Variants in DDX23 observed in about 807,000 individuals in gnomAD.
The protein encoded by DDX23 is DEAD-box helicase 23.
In DDX23, 33 loss-of-function variants were observed where a neutral mutation model predicts 102.7. The ratio of observed to expected loss-of-function variants is 0.32; its 90% confidence interval spans 0.24 to 0.43. The LOEUF (loss-of-function observed/expected upper bound fraction) is 0.43, where lower values mean the gene tolerates loss of function less well. Ranked by LOEUF, DDX23 falls within the 20% of genes least tolerant of loss-of-function variation. The pLI is 1.00. For synonymous variants in DDX23, 352 were observed against 376.0 expected (o/e 0.94, Z 0.74); for missense variants, 549 against 1,086.6 (o/e 0.51, Z 6.96).
chr12:48,836,791 T>C lies in DDX23; in HGVS notation c.1014A>G (p.Ala338=), dbSNP rs1938472270. 1.2e-6 allele frequency: 2 copies of C among 1,613,862 alleles called. No individual in the cohort carries two copies. The highest frequency in any genetic ancestry group is 1.7e-6 in the Non-Finnish European group (2 of 1,179,860). ...CCTTCTTACGAAGTTTGCGGAGTCT[T>C]GCCCTGGAGCAGGGTGTGAGGAGTA... ...RTLEEKEQEE[A]RLRKLRKKEA... Residue 338 remains alanine, a synonymous_variant, in exon 10 of 17, where the codon GCA becomes GCG. Coordinates refer to ENST00000308025, the MANE Select transcript of DDX23 (RefSeq NM_004818.3). The surrounding 1 kb of genome is among the most constrained non-coding windows in gnomAD (Gnocchi z 6.1).
Position 48,843,420 on chromosome 12 carries a change from A to G in DDX23, c.320+520T>C, listed in dbSNP as rs113158621. On this transcript the variant is annotated intron_variant, in intron 3 of 16. Transcript: ENST00000308025. ...GTCAAGGCTGCAGTAAGTTGTGATC[A>G]CACCACTGCACTCCAGCCTGGGCAA... Among the ~76,000 whole-genome samples, 1,428 of 151,974 alleles carry G rather than the reference A, an allele frequency of 9.4e-3. 28 individuals are homozygous for G. Among genetic ancestry groups the G allele is most frequent in the African/African-American group, 0.033 (1,359 of 41,482 alleles).
At chr12:48,831,786 C>T in intron 15 of DDX23, 1 of 496,898 alleles carries the variant, frequency 2.0e-6, no homozygotes, top group Non-Finnish European at 3.6e-6. Context: ...CTACTCTTTT[C>T]TACATCCTCA....
intron 11 of DDX23, among the ~76,000 whole-genome samples, chr12:48,835,410 TA>T (rs1193001889): frequency 6.6e-6 from 1 of 151,892 alleles, no homozygotes; most frequent in Non-Finnish European, 1.5e-5. Flanking sequence ...TCATCTCTAC[TA>T]AAAATGTAAA....
At chr12:48,851,421 C>A (rs1044760078) in intron 1 of DDX23, among the ~76,000 whole-genome samples, 1 of 150,986 alleles carries the variant, frequency 6.6e-6, no homozygotes. Flanking sequence ...TGCAGAGAAC[C>A]AAGATCGTGC....
chr12:48,841,281 G>A (rs1938546682), intron 3 of DDX23, among the ~76,000 whole-genome samples: 1 of 152,196 alleles, frequency 6.6e-6, no homozygotes. Flanking sequence ...AGCTACTTGG[G>A]AGGCTGAGGC....
At chr12:48,839,817 GATGA>G in intron 5 of DDX23, 23 bp downstream of exon 5, 1 of 1,611,690 alleles carries the variant, frequency 6.2e-7, no homozygotes, top group Non-Finnish European at 8.5e-7. Flanking sequence ...AGCCTGAGCC[GATGA>G]ATGAAGACCC....
At position 48,832,314 on chromosome 12, in the gene DDX23, G is replaced by T; in HGVS notation, c.1955+108C>A. On this transcript the variant is annotated intron_variant, in intron 14 of 16. Coordinates refer to ENST00000308025, the MANE Select transcript of DDX23 (RefSeq NM_004818.3). This position sits in a 1 kb window ranked among gnomAD's most constrained non-coding sequence, Gnocchi z 4.4. ...TGACATTCTGCCCAAGAAAACAGCA[G>T]CTCTTCAACACAGCAGAGCAATTGC... 6.4e-7 allele frequency: 1 copy of T among 1,552,460 alleles called. No individual in the cohort carries two copies. The highest frequency in any genetic ancestry group is 8.8e-7 in the Non-Finnish European group (1 of 1,136,554).
chr12:48,842,659 G>A (rs1360058311), intron 3 of DDX23, among the ~76,000 whole-genome samples: 7 of 134,842 alleles, frequency 5.2e-5, no homozygotes, highest in Middle Eastern at 4.1e-3. Flanking sequence ...CAGCCGCCCC[G>A]TCCGGGAGGG....
chr12:48,846,944 C>T (rs909607960), intron 1 of DDX23, among the ~76,000 whole-genome samples: 1 of 152,208 alleles, frequency 6.6e-6, no homozygotes, highest in African/African-American at 2.4e-5. Flanking sequence ...CCTGAATCTG[C>T]AACCACCTCA....
At position 48,831,007 on chromosome 12, in the gene DDX23, T is replaced by C. The variant is rs139844169; in HGVS notation, c.2239+135A>G. ...AGATAAAGGACAGGAGTGCTTCTCA[T>C]GGGAGCAAGCAATCCCAGACTTGGA... On this transcript the variant is annotated intron_variant, in intron 16 of 16. Transcript: ENST00000308025. 299 of 1,026,950 alleles carry C rather than the reference T, an allele frequency of 2.9e-4. 1 individual carries two copies. The East Asian group carries it at 6.7e-3, about 23-fold the overall frequency. 63.6% of individuals were successfully genotyped at this position (1,026,950 alleles called of 1,614,324 possible).
At chr12:48,843,864 A>G (rs1938616488) in intron 3 of DDX23, 76 bp downstream of exon 3, 2 of 1,512,484 alleles carry the variant, frequency 1.3e-6, no homozygotes, top group Middle Eastern at 1.7e-4. Flanking sequence ...CTACTTTCAT[A>G]AGAAGCTGAG....
chr12:48,838,177 C>A lies in DDX23; in HGVS notation c.481-97G>T, dbSNP rs1247372938. The A allele has an allele frequency of 1.1e-5, 17 of 1,564,816 alleles. No individual in the cohort carries two copies. The East Asian group carries it at 3.8e-4, about 35-fold the overall frequency. ...GGCAGGGAACCCAAAAGTATTTGCTCAGGCATTAAGCCTGTTGAGGAAAAC... is the reference window on the plus strand; with the variant it reads ...GGCAGGGAACCCAAAAGTATTTGCTAAGGCATTAAGCCTGTTGAGGAAAAC... On this transcript the variant is annotated intron_variant, in intron 5 of 16. Transcript: ENST00000308025.
chr12:48,837,104 C>T, intron 8 of DDX23, 67 bp from the exon 9 acceptor site: 1 of 1,602,164 alleles, frequency 6.2e-7, no homozygotes. Context: ...GAAGGGCAGA[C>T]TACTAGTATG....
intron 1 of DDX23, among the ~76,000 whole-genome samples, chr12:48,848,964 G>A (rs886442399): frequency 6.6e-6 from 1 of 151,986 alleles, no homozygotes; most frequent in African/African-American, 2.4e-5. Flanking sequence ...ATGTTGGCCA[G>A]GCTGGTCTCA....
chr12:48,833,190 G>T, intron 13 of DDX23, 87 bp downstream of exon 13: 3 of 1,571,222 alleles, frequency 1.9e-6, no homozygotes, highest in Middle Eastern at 1.7e-4. Context: ...TCGCCATGTT[G>T]CCCAGGCTGG....
chr12:48,833,708 A>G (rs1938424010), intron 12 of DDX23, 189 bp from the exon 13 acceptor site: 4 of 716,850 alleles, frequency 5.6e-6, no homozygotes, highest in Non-Finnish European at 8.9e-6. Flanking sequence ...TTTTCTCAGG[A>G]ATGAATGAGG....
At position 48,830,093 on chromosome 12, in the gene DDX23, TAC is replaced by T. The variant is rs1938360351; in HGVS notation, c.*374_*375del. ...ATGATGCTACTGCAGTTTATGCAGTTACACAGTCAAGTCTGTGCCAAAGGAGG... is the reference window on the plus strand; with the variant it reads ...ATGATGCTACTGCAGTTTATGCAGTTACAGTCAAGTCTGTGCCAAAGGAGG... On this transcript the variant is annotated 3_prime_UTR_variant, in exon 17 of 17. Transcript: ENST00000308025. This position sits in a 1 kb window ranked among gnomAD's most constrained non-coding sequence, Gnocchi z 4.9. The T allele has an allele frequency of 7.3e-6, 3 of 408,220 alleles. No individual in the cohort carries two copies. The highest frequency in any genetic ancestry group is 6.6e-5 in the East Asian group (1 of 15,174). 25.3% of individuals were successfully genotyped at this position (408,220 alleles called of 1,614,324 possible).
At chr12:48,831,723 CA>C in intron 15 of DDX23, 1 of 429,908 alleles carries the variant, frequency 2.3e-6, no homozygotes, top group East Asian at 4.2e-5. Flanking sequence ...CACTGATTAT[CA>C]GCTCCCTTCT....
intron 7 of DDX23, 25 bp downstream of exon 7, chr12:48,837,499 G>C: frequency 6.2e-7 from 1 of 1,613,940 alleles, no homozygotes; most frequent in Middle Eastern, 1.7e-4. Context: ...TGGGAGAGAA[G>C]TGAAGATGGA....
Sources: allele counts gnomAD v4.1 joint callset (sites outside exome capture counted in the v4.1 genomes callset), GRCh38; gene constraint gnomAD v4.1.1; non-coding constraint Gnocchi (gnomAD v3.1); transcripts MANE v1.5; gene names NCBI Gene and HGNC (gene_info 2026-07-23, HGNC 2026-07-21).